The following SMARCA2 variants were observed in gnomAD, a reference collection of about 807,000 sequenced individuals.
SMARCA2 encodes SWI/SNF related BAF chromatin remodeling complex subunit ATPase 2, also known as SWI/SNF-related matrix-associated actin-dependent regulator of chromatin subfamily A member 2.
Under a neutral mutation model 199.8 loss-of-function variants are expected in SMARCA2, and 61 were observed. That is an observed-to-expected ratio of 0.31 (90% CI 0.25 to 0.38). SMARCA2 has a LOEUF of 0.38. Ranked by LOEUF, SMARCA2 falls within the 10% of genes least tolerant of loss-of-function variation. The pLI, the probability that SMARCA2 is intolerant of heterozygous loss-of-function variation, is 1.00. For missense variants in SMARCA2, 1,344 were observed against 2,012.2 expected (o/e 0.67, Z 6.35); for synonymous variants, 935 against 732.0 (o/e 1.28, Z -4.48).
intron 2 of SMARCA2, 146 bp downstream of exon 2, chr9:2,029,393 C>T (rs1232680190): frequency 1.3e-5 from 16 of 1,194,422 alleles, no homozygotes; most frequent in Non-Finnish European, 1.9e-5. Context: ...ATTAAAAACG[C>T]ATATTGTGAG....
At chr9:2,036,007 G>A (rs556752989) in intron 3 of SMARCA2, among the ~76,000 whole-genome samples, 8 of 152,232 alleles carry the variant, frequency 5.3e-5, no homozygotes, top group African/African-American at 9.6e-5. Context: ...GGAAGGCTGC[G>A]AGCTTTTAAC....
chr9:2,021,478 C>T (rs1034643338), intron 1 of SMARCA2, among the ~76,000 whole-genome samples: 4 of 152,180 alleles, frequency 2.6e-5, no homozygotes, highest in African/African-American at 7.2e-5. Flanking sequence ...TATTTCTTTA[C>T]CTACTTGATG....
chr9:2,028,841 C>T lies in SMARCA2; in HGVS notation c.-36-146C>T, dbSNP rs984005968. 6.2e-6 allele frequency: 4 copies of T among 647,186 alleles called. No homozygotes were observed. The African/African-American group carries it at 7.4e-5, about 12-fold the overall frequency. 40.1% of individuals were successfully genotyped at this position (647,186 alleles called of 1,614,324 possible). On this transcript the variant is annotated intron_variant, in intron 1 of 33. Transcript: ENST00000349721. ...GACTAGGGCAGACGGATGTATATCA[C>T]ACTCACTCAAACATCTGGACTAGAC...
At chr9:2,143,662 C>A (rs1824573846) in intron 27 of SMARCA2, among the ~76,000 whole-genome samples, 3 of 152,140 alleles carry the variant, frequency 2.0e-5, no homozygotes, top group Admixed American at 2.0e-4. Flanking sequence ...GGAAACTGAT[C>A]ATTTTAAAGA....
rs146138142 is a variant in SMARCA2, at chr9:2,056,764, T to A, written c.1266T>A (p.Thr422=). The part of the protein sequence containing the change: ...SKAYKRSKRQ[T]LREARMTEKL... ...CATACAAACGGAGCAAGCGCCAGAC[T>A]CTGAGAGAAGCTCGCATGACCGAGA... The change falls in exon 7 of 34, where the codon ACT becomes ACA. Residue 422 remains threonine, a synonymous_variant. Coordinates refer to ENST00000349721, the MANE Select transcript of SMARCA2 (RefSeq NM_003070.5). This position sits in a 1 kb window ranked among gnomAD's most constrained non-coding sequence, Gnocchi z 4.0. The A allele has an allele frequency of 2.7e-5, 44 of 1,614,138 alleles. No individual in the cohort carries two copies. In the African/African-American group the frequency reaches 4.5e-4, roughly 17 times the overall value.
At chr9:2,160,537 G>A (rs1825612647) in intron 27 of SMARCA2, 1 of 681,554 alleles carries the variant, frequency 1.5e-6, no homozygotes, top group African/African-American at 1.8e-5. Flanking sequence ...AATTATGTCT[G>A]AGCTGTAATC....
At chr9:2,103,184 T>C (rs1428121088) in intron 22 of SMARCA2, among the ~76,000 whole-genome samples, 2 of 152,190 alleles carry the variant, frequency 1.3e-5, no homozygotes, top group Non-Finnish European at 2.9e-5. Flanking sequence ...AAACTTTTTC[T>C]GTAAAGATCC....
chr9:2,049,568 A>G (rs1156590272), intron 5 of SMARCA2, among the ~76,000 whole-genome samples: 1 of 152,224 alleles, frequency 6.6e-6, no homozygotes, highest in East Asian at 1.9e-4. Context: ...TGATCTGGAC[A>G]ACCCTGAATC....
intron 23 of SMARCA2, among the ~76,000 whole-genome samples, chr9:2,108,516 T>C (rs76538137): frequency 1.6e-4 from 24 of 152,214 alleles, no homozygotes; most frequent in African/African-American, 5.3e-4. Flanking sequence ...ATCCTGAGAG[T>C]ATAGATGTAT....
chr9:2,027,325 C>T (rs1235692061), intron 1 of SMARCA2, among the ~76,000 whole-genome samples: 1 of 151,718 alleles, frequency 6.6e-6, no homozygotes, highest in Non-Finnish European at 1.5e-5. Context: ...GCCTGTAGTC[C>T]TAGCTACTTG....
intron 25 of SMARCA2, among the ~76,000 whole-genome samples, 196 bp downstream of exon 25, chr9:2,116,245 G>GA (rs1452091185): frequency 6.6e-6 from 1 of 152,198 alleles, no homozygotes; most frequent in Non-Finnish European, 1.5e-5. Context: ...GCTATGGCTG[G>GA]AGGAACCTCA....
At chr9:2,085,081 C>G (rs1365321587) in intron 17 of SMARCA2, among the ~76,000 whole-genome samples, 1 of 152,152 alleles carries the variant, frequency 6.6e-6, no homozygotes, top group African/African-American at 2.4e-5. Flanking sequence ...AACTCTTGCT[C>G]TGGGAACTGA....
chr9:2,104,042 T>C lies in SMARCA2; in HGVS notation c.3165T>C (p.Leu1055=), dbSNP rs369919125. ...LYRASGKFEL[L]DRILPKLRAT... is the part of the protein sequence containing the mutation. The stretch of plus-strand genomic sequence containing the variant: ...GGGCCTCAGGGAAGTTTGAGCTGCT[T>C]GATCGTATTCTGCCAAAATTGAGAG... Residue 1055 remains leucine (L), a synonymous_variant, in exon 23 of 34, where the codon CTT becomes CTC. Transcript: ENST00000349721. The surrounding 1 kb of genome is among the most constrained non-coding windows in gnomAD (Gnocchi z 4.0). 1.1e-5 allele frequency: 17 copies of C among 1,614,038 alleles called. No individual in the cohort carries two copies. The highest frequency in any genetic ancestry group is 1.4e-5 in the Non-Finnish European group (17 of 1,180,020).
At chr9:2,059,130 G>A (rs1211121666) in intron 8 of SMARCA2, among the ~76,000 whole-genome samples, 2 of 151,998 alleles carry the variant, frequency 1.3e-5, no homozygotes, top group African/African-American at 2.4e-5. Context: ...ATTTATTTTT[G>A]GAATTGGACC....
intron 16 of SMARCA2, 32 bp from the exon 17 acceptor site, chr9:2,084,054 G>C (rs773417880): frequency 1.6e-5 from 19 of 1,167,336 alleles, no homozygotes; most frequent in Non-Finnish European, 2.3e-5. Flanking sequence ...ATGTCCATAG[G>C]ATCATGCATG....
rs563914353 is a variant in SMARCA2 at position 2,056,373 on chromosome 9, A to G, written c.1174-299A>G. Among the ~76,000 whole-genome samples, 2 of 152,260 alleles carry G rather than the reference A, an allele frequency of 1.3e-5. No homozygotes were observed. The highest frequency in any genetic ancestry group is 4.1e-4 in the South Asian group (2 of 4,834). Reference sequence around the variant, plus strand: ...GCTAATTGGTATCATTAGAATAATTAGAGAAAATGAAGTTATTTAAAAGGC... The same window carrying G: ...GCTAATTGGTATCATTAGAATAATTGGAGAAAATGAAGTTATTTAAAAGGC... On this transcript the variant is annotated intron_variant, in intron 6 of 33. Coordinates refer to ENST00000349721, the MANE Select transcript of SMARCA2 (RefSeq NM_003070.5). This position sits in a 1 kb window ranked among gnomAD's most constrained non-coding sequence, Gnocchi z 4.0.
At chr9:2,144,667 A>G (rs974647187) in intron 27 of SMARCA2, among the ~76,000 whole-genome samples, 1 of 152,188 alleles carries the variant, frequency 6.6e-6, no homozygotes, top group Admixed American at 6.5e-5. Context: ...GGAGTCCACA[A>G]AAGAGCCCCG....
chr9:2,177,059 A>G (rs530979611), intron 29 of SMARCA2, among the ~76,000 whole-genome samples: 1 of 152,314 alleles, frequency 6.6e-6, no homozygotes, highest in South Asian at 2.1e-4. Context: ...CACCTGCTTC[A>G]TGACTGGCTC....
At chr9:2,124,889 C>T (rs1467014081) in intron 27 of SMARCA2, among the ~76,000 whole-genome samples, 2 of 152,164 alleles carry the variant, frequency 1.3e-5, no homozygotes, top group Non-Finnish European at 2.9e-5. Context: ...CTGGGACGTG[C>T]ATTCCAGACA....
Sources: gnomAD v4.1 joint callset for allele counts (sites outside exome capture counted in the v4.1 genomes callset) on GRCh38, gnomAD v4.1.1 for gene constraint, Gnocchi (gnomAD v3.1) non-coding constraint, MANE v1.5 for transcripts, NCBI Gene and HGNC (gene_info 2026-07-23, HGNC 2026-07-21) for gene names.